The following CA10 variants were observed in gnomAD, a reference collection of about 807,000 sequenced individuals.
CA10 encodes the protein carbonic anhydrase-related protein 10.
A neutral mutation model predicts 44.2 loss-of-function variants in CA10; 14 were observed. The observed-to-expected ratio is 0.32, with a 90% CI of 0.21 to 0.50. CA10 has a LOEUF of 0.50. CA10 is among the 20% of genes least tolerant of loss of function. CA10 has a pLI of 0.99. For synonymous variants in CA10, 159 were observed against 141.6 expected (o/e 1.12, Z -0.87); for missense variants, 350 against 409.7 (o/e 0.85, Z 1.26).
chr17:51,766,836 AAT>A (rs1364951739), intron 3 of CA10, among the ~76,000 whole-genome samples: 6 of 152,182 alleles, frequency 3.9e-5, no homozygotes, highest in African/African-American at 1.4e-4. Context: ...TCAAAATTAT[AAT>A]ATGTTAATTA....
At position 51,784,443 on chromosome 17, in the gene CA10, T is replaced by C. The variant is rs1179412184; in HGVS notation, c.280-36625A>G. On this transcript the variant is annotated intron_variant, in intron 3 of 8. Coordinates refer to ENST00000451037, the MANE Select transcript of CA10 (RefSeq NM_020178.5). Reference sequence around the variant, plus strand: ...TAAAACAGCTCTCATCAAAACCTACTATGGAACACTAGGACTTATTCTGTC... The same window carrying C: ...TAAAACAGCTCTCATCAAAACCTACCATGGAACACTAGGACTTATTCTGTC... Among the ~76,000 whole-genome samples the C allele has an allele frequency of 2.6e-5, 4 of 152,230 alleles. No individual in the cohort carries two copies. The East Asian group carries it at 7.7e-4, about 29-fold the overall frequency.
intron 2 of CA10, among the ~76,000 whole-genome samples, chr17:51,986,165 A>G (rs1052294515): frequency 6.6e-6 from 1 of 152,124 alleles, no homozygotes; most frequent in African/African-American, 2.4e-5. Flanking sequence ...AGGCACATAG[A>G]CCAATGGAAC....
At chr17:51,686,825 T>C (rs986536106) in intron 4 of CA10, among the ~76,000 whole-genome samples, 1 of 152,124 alleles carries the variant, frequency 6.6e-6, no homozygotes, top group Non-Finnish European at 1.5e-5. Context: ...GCCCCAAAAG[T>C]AAGCTTGATA....
chr17:51,754,513 G>T (rs1028652081), intron 3 of CA10, among the ~76,000 whole-genome samples: 1 of 147,176 alleles, frequency 6.8e-6, no homozygotes, highest in Non-Finnish European at 1.5e-5. Context: ...AAGTCCAAAA[G>T]CCTGCAGGCT....
chr17:51,891,737 T>G (rs1980864959), intron 3 of CA10, among the ~76,000 whole-genome samples: 1 of 152,188 alleles, frequency 6.6e-6, no homozygotes, highest in Non-Finnish European at 1.5e-5. Context: ...AGACTTAGGC[T>G]CTTTCCTTTT....
chr17:52,076,272 C>T (rs903114529), intron 1 of CA10, among the ~76,000 whole-genome samples: 1 of 152,080 alleles, frequency 6.6e-6, no homozygotes, highest in Non-Finnish European at 1.5e-5. Flanking sequence ...TTGGCACTGA[C>T]AAGATTATCA....
intron 4 of CA10, among the ~76,000 whole-genome samples, chr17:51,675,131 G>A (rs1186917339): frequency 6.6e-6 from 1 of 152,222 alleles, no homozygotes; most frequent in Non-Finnish European, 1.5e-5. Flanking sequence ...TGCAGAGGAT[G>A]CTGCCCATGG....
At chr17:51,986,081 G>T (rs1176276098) in intron 2 of CA10, among the ~76,000 whole-genome samples, 1 of 151,720 alleles carries the variant, frequency 6.6e-6, no homozygotes, top group Non-Finnish European at 1.5e-5. Flanking sequence ...ATGGAGGCAG[G>T]TACCACATTA....
At chr17:51,931,250 C>A (rs1418248056) in intron 2 of CA10, 118 bp from the exon 3 acceptor site, 4 of 940,290 alleles carry the variant, frequency 4.3e-6, no homozygotes, top group East Asian at 2.5e-5. Flanking sequence ...ATGTTCCCAC[C>A]CATGGAGATC....
chr17:51,876,545 T>C (rs1818101), intron 3 of CA10, among the ~76,000 whole-genome samples: 2 of 151,998 alleles, frequency 1.3e-5, no homozygotes, highest in African/African-American at 2.4e-5. Context: ...CCCTTTGTTG[T>C]GGGGAATGTC....
chr17:52,099,754 G>A (rs1988493327), intron 1 of CA10, among the ~76,000 whole-genome samples: 1 of 152,200 alleles, frequency 6.6e-6, no homozygotes, highest in Admixed American at 6.5e-5. Context: ...GATCAGAGGA[G>A]GAAAGACCAG....
intron 3 of CA10, among the ~76,000 whole-genome samples, chr17:51,800,445 A>C (rs967382674): frequency 6.6e-6 from 1 of 152,074 alleles, no homozygotes; most frequent in African/African-American, 2.4e-5. Flanking sequence ...GTGGATGTAC[A>C]AAAAAAACAT....
chr17:51,878,143 CAAAAAAAAAAAAA>C (rs558014863), intron 3 of CA10, among the ~76,000 whole-genome samples: 4 of 63,688 alleles, frequency 6.3e-5, no homozygotes, highest in East Asian at 6.4e-4. Context: ...GACTCCGTCT[CAAAAAAAAAAAAA>C]AAAAAAAAAA....
chr17:51,997,027 A>G (rs1022509422), intron 2 of CA10, among the ~76,000 whole-genome samples: 1 of 152,044 alleles, frequency 6.6e-6, no homozygotes, highest in African/African-American at 2.4e-5. Flanking sequence ...GGTGACAGAT[A>G]TTAGATTGTA....
chr17:51,778,475 G>A (rs1383361316), intron 3 of CA10, among the ~76,000 whole-genome samples: 4 of 152,172 alleles, frequency 2.6e-5, no homozygotes, highest in Admixed American at 6.5e-5. Flanking sequence ...TAAGGCCACC[G>A]AATAGGTGAT....
chr17:52,135,742 G>T (rs1442545952), intron 1 of CA10, among the ~76,000 whole-genome samples: 1 of 152,088 alleles, frequency 6.6e-6, no homozygotes, highest in Non-Finnish European at 1.5e-5. Context: ...GTTGATACTT[G>T]TCTCCCTCTC....
At chr17:51,811,322 G>A (rs1321401949) in intron 3 of CA10, among the ~76,000 whole-genome samples, 2 of 152,058 alleles carry the variant, frequency 1.3e-5, no homozygotes, top group Non-Finnish European at 2.9e-5. Context: ...TAAGTTCTAG[G>A]GTACATGTGC....
At chr17:51,831,689 AGC>A (rs1567854554) in intron 3 of CA10, among the ~76,000 whole-genome samples, 6 of 78,630 alleles carry the variant, frequency 7.6e-5, no homozygotes, top group Admixed American at 7.5e-4. Context: ...CAGCAGCAGC[AGC>A]AGCAGCAGCA....
At chr17:51,653,791 A>G in intron 4 of CA10, 55 bp from the exon 5 acceptor site, 1 of 1,031,912 alleles carries the variant, frequency 9.7e-7, no homozygotes, top group Non-Finnish European at 1.5e-6. Flanking sequence ...AAAAGGTATG[A>G]GGCATAGCAC....
Sources: gnomAD v4.1 joint callset for allele counts (sites outside exome capture counted in the v4.1 genomes callset) on GRCh38, gnomAD v4.1.1 for gene constraint, MANE v1.5 for transcripts, NCBI Gene and HGNC (gene_info 2026-07-23, HGNC 2026-07-21) for gene names.